Variants in CHN2 observed in about 807,000 individuals in gnomAD.
CHN2 encodes chimerin 2.
CHN2 carries 35 observed loss-of-function variants against 56.3 expected under a neutral mutation model. That is an observed-to-expected ratio of 0.62 (90% CI 0.47 to 0.82). The LOEUF (loss-of-function observed/expected upper bound fraction) is 0.82. Among genes scored for constraint, CHN2 ranks in the 40% least tolerant of loss-of-function variants. CHN2 has a pLI of 0.00. For synonymous variants in CHN2, 210 were observed against 212.8 expected (o/e 0.99, Z 0.12); for missense variants, 491 against 580.5 (o/e 0.85, Z 1.58).
chr7:29,390,446 G>T (rs918313876), intron 3 of CHN2, among the ~76,000 whole-genome samples: 16 of 152,192 alleles, frequency 1.1e-4, no homozygotes, highest in African/African-American at 3.4e-4. Context: ...AGTCACAGTG[G>T]CAGGGAAGCT....
At chr7:29,169,607 G>A (rs528901459) in intron 2 of CHN2, among the ~76,000 whole-genome samples, 64 of 152,158 alleles carry the variant, frequency 4.2e-4, no homozygotes, top group South Asian at 1.0e-3. Context: ...AGGACCATTG[G>A]CTTTTTCTAC....
chr7:29,430,854 G>C (rs1282869026), intron 6 of CHN2, among the ~76,000 whole-genome samples: 3 of 148,782 alleles, frequency 2.0e-5, no homozygotes, highest in Non-Finnish European at 4.4e-5. Context: ...ACAGGAGAAA[G>C]CCTCTCCCCA....
chr7:29,405,164 TAC>T (rs57823678), intron 6 of CHN2, among the ~76,000 whole-genome samples: 2,643 of 104,954 alleles, frequency 0.025, 51 homozygotes, highest in Middle Eastern at 0.043. Context: ...TATGTCACCA[TAC>T]ACACACACAC....
intron 1 of CHN2, among the ~76,000 whole-genome samples, chr7:29,275,736 G>T (rs1191934660): frequency 1.3e-5 from 2 of 152,128 alleles, no homozygotes; most frequent in Admixed American, 1.3e-4. Flanking sequence ...GGTCACTCAG[G>T]TTGCACATGG....
At chr7:29,396,415 C>T (rs572148524) in intron 4 of CHN2, among the ~76,000 whole-genome samples, 11 of 137,676 alleles carry the variant, frequency 8.0e-5, no homozygotes, top group African/African-American at 8.1e-5. Flanking sequence ...GAGCTGAGAT[C>T]GCGCCATTGC....
intron 2 of CHN2, among the ~76,000 whole-genome samples, chr7:29,148,276 G>A (rs245882): frequency 0.82 from 125,520 of 152,216 alleles, 52,000 homozygotes; most frequent in East Asian, 0.99. Flanking sequence ...CTGTGCCCAC[G>A]TGGAACCACT....
chr7:29,296,134 A>G (rs1300504580), intron 1 of CHN2, among the ~76,000 whole-genome samples: 2 of 149,746 alleles, frequency 1.3e-5, no homozygotes, highest in East Asian at 3.9e-4. Flanking sequence ...CCCAGGCTGG[A>G]GTGCAGTGGC....
At chr7:29,465,194 A>G (rs906027648) in intron 6 of CHN2, among the ~76,000 whole-genome samples, 2 of 152,200 alleles carry the variant, frequency 1.3e-5, no homozygotes, top group African/African-American at 2.4e-5. Context: ...TTCCAGCTTC[A>G]TCTTAGCTTT....
chr7:29,241,403 C>G (rs950668380), intron 1 of CHN2, among the ~76,000 whole-genome samples: 1 of 152,062 alleles, frequency 6.6e-6, no homozygotes, highest in Non-Finnish European at 1.5e-5. Context: ...AGAGTGGGGG[C>G]CAGGCTCCTC....
chr7:29,414,072 A>G (rs1038876147), intron 6 of CHN2, among the ~76,000 whole-genome samples: 2 of 152,184 alleles, frequency 1.3e-5, no homozygotes, highest in African/African-American at 2.4e-5. Flanking sequence ...GGGCAATACT[A>G]TAAAGCTCTG....
At chr7:29,442,934 C>CTTCTTTTTTTTTTT (rs1783755503) in intron 6 of CHN2, among the ~76,000 whole-genome samples, 1 of 103,068 alleles carries the variant, frequency 9.7e-6, no homozygotes. Flanking sequence ...CATTGAATTT[C>CTTCTTTTTTTTTTT]TTTTTTTTTT....
intron 1 of CHN2, among the ~76,000 whole-genome samples, chr7:29,202,121 C>T (rs1488825730): frequency 6.6e-6 from 1 of 152,118 alleles, no homozygotes; most frequent in East Asian, 1.9e-4. Context: ...AAAAAGTGCC[C>T]ATGTTCAAAA....
chr7:29,190,807 C>G (rs999658043), upstream of CHN2, among the ~76,000 whole-genome samples: 6 of 152,180 alleles, frequency 3.9e-5, no homozygotes, highest in Admixed American at 1.3e-4. Flanking sequence ...GAACCATTTA[C>G]AGATGTCCTT....
At position 29,496,082 on chromosome 7, in the gene CHN2, G is replaced by C. The variant is rs767236959; in HGVS notation, c.739+46G>C. 6.1e-6 allele frequency: 9 copies of C among 1,481,418 alleles called. No homozygotes were observed. The Admixed American group carries it at 1.5e-4, about 25-fold the overall frequency. 91.8% of individuals were successfully genotyped at this position (1,481,418 alleles called of 1,614,324 possible). A position where few individuals can be genotyped will look rare whatever the true frequency, so the allele number is the denominator to read the frequency against. On this transcript the variant is annotated intron_variant, in intron 8 of 12. Coordinates refer to ENST00000222792, the MANE Select transcript of CHN2 (RefSeq NM_004067.4). ...TTTTCCAATTATATGAAATGCCACT[G>C]TGCTGAGCTGGAGGATGTCTCTCCA... is the stretch of plus-strand genomic sequence containing the variant.
At chr7:29,192,250 A>G (rs1190688335), upstream of CHN2, 1 of 152,268 alleles carries the variant, frequency 6.6e-6, no homozygotes, top group East Asian at 1.9e-4. Context: ...ACTTCTGTAC[A>G]GCACAGGGCC....
intron 2 of CHN2, among the ~76,000 whole-genome samples, chr7:29,366,868 T>C (rs1033142891): frequency 3.9e-5 from 6 of 152,184 alleles, no homozygotes; most frequent in Non-Finnish European, 2.9e-5. Flanking sequence ...CAAAATATAT[T>C]CCATCATTTT....
chr7:29,413,311 A>G (rs1396147029), intron 6 of CHN2, among the ~76,000 whole-genome samples: 1 of 152,234 alleles, frequency 6.6e-6, no homozygotes, highest in Non-Finnish European at 1.5e-5. Context: ...GTCATTTGCA[A>G]GAGACACTTT....
chr7:29,465,369 C>A (rs1016066857), intron 6 of CHN2, among the ~76,000 whole-genome samples: 3 of 152,202 alleles, frequency 2.0e-5, no homozygotes, highest in Admixed American at 1.3e-4. Flanking sequence ...TCTGCATAAT[C>A]ATGAAAGTTT....
At chr7:29,201,718 G>A (rs1584714696) in intron 1 of CHN2, among the ~76,000 whole-genome samples, 1 of 152,052 alleles carries the variant, frequency 6.6e-6, no homozygotes, top group South Asian at 2.1e-4. Context: ...CTACCATATT[G>A]GACTACACAG....
Sources: gnomAD v4.1 joint callset for allele counts (sites outside exome capture counted in the v4.1 genomes callset) on GRCh38, gnomAD v4.1.1 for gene constraint, MANE v1.5 for transcripts, NCBI Gene and HGNC (gene_info 2026-07-23, HGNC 2026-07-21) for gene names.